The following SYT6 variants were observed in gnomAD, a reference collection of about 807,000 sequenced individuals.
SYT6 encodes the protein synaptotagmin 6.
A neutral mutation model predicts 38.4 loss-of-function variants in SYT6; 24 were observed. That is an observed-to-expected ratio of 0.62 (90% confidence interval 0.45 to 0.88). The LOEUF (loss-of-function observed/expected upper bound fraction) is 0.88. SYT6 is among the 40% of genes least tolerant of loss of function. The pLI, the probability that SYT6 is intolerant of heterozygous loss-of-function variation, is 0.00. For missense variants in SYT6, 611 were observed against 621.0 expected (o/e 0.98, Z 0.17); for synonymous variants, 265 against 241.9 (o/e 1.10, Z -0.89).
intron 1 of SYT6, among the ~76,000 whole-genome samples, chr1:114,140,608 T>G (rs1678812616): frequency 6.6e-6 from 1 of 152,206 alleles, no homozygotes. Context: ...CCCAGAACTC[T>G]GTGCATAGTA....
At chr1:114,126,417 C>G (rs1333956104) in intron 3 of SYT6, among the ~76,000 whole-genome samples, 1 of 152,208 alleles carries the variant, frequency 6.6e-6, no homozygotes, top group East Asian at 1.9e-4. Context: ...TGCTGCTGAT[C>G]TAGGAAACTG....
intron 3 of SYT6, among the ~76,000 whole-genome samples, chr1:114,110,291 G>A (rs1326702036): frequency 1.3e-5 from 2 of 152,190 alleles, no homozygotes; most frequent in Non-Finnish European, 2.9e-5. Context: ...CAAAGTCCCA[G>A]CCCTCCAGGA....
chr1:114,103,533 C>T, intron 4 of SYT6, 68 bp downstream of exon 4: 2 of 1,587,080 alleles, frequency 1.3e-6, no homozygotes, highest in South Asian at 2.3e-5. Context: ...CTTTCTCCTT[C>T]TCCCCGAACA....
chr1:114,108,494 G>A (rs1676465025), intron 3 of SYT6, among the ~76,000 whole-genome samples: 1 of 152,074 alleles, frequency 6.6e-6, no homozygotes, highest in Non-Finnish European at 1.5e-5. Context: ...CCCATCTCTG[G>A]TCCTTGGGCT....
Position 114,120,367 on chromosome 1 carries a change from T to C in SYT6, c.1072-16646A>G, listed in dbSNP as rs148010905. On this transcript the variant is annotated intron_variant, in intron 3 of 7. Coordinates refer to ENST00000610222, the MANE Select transcript of SYT6 (RefSeq NM_001253772.2). The stretch of plus-strand genomic sequence containing the variant: ...CTGAATTCTGTGACTATCTTTCCCT[T>C]ATTGTGTTATCTGCCAGAATGCTTC... 3.3e-3 allele frequency among the ~76,000 whole-genome samples: 509 copies of C among 152,308 alleles called. 3 individuals are homozygous for C. Among genetic ancestry groups the C allele is most frequent in the African/African-American group, 0.012 (488 of 41,566 alleles).
chr1:114,107,675 T>TAAAC (rs57246255), intron 3 of SYT6, among the ~76,000 whole-genome samples: 40,819 of 151,912 alleles, frequency 0.27, 6,041 homozygotes, highest in East Asian at 0.4. Context: ...AGATGAGAGC[T>TAAAC]AAACAGAGAG....
chr1:114,133,054 C>T (rs1678249021), intron 3 of SYT6, among the ~76,000 whole-genome samples: 1 of 152,148 alleles, frequency 6.6e-6, no homozygotes, highest in South Asian at 2.1e-4. Context: ...TCCCTGCATA[C>T]CCTCAGTCCA....
intron 3 of SYT6, among the ~76,000 whole-genome samples, chr1:114,111,252 C>G (rs1326120330): frequency 6.6e-6 from 1 of 152,194 alleles, no homozygotes; most frequent in Non-Finnish European, 1.5e-5. Flanking sequence ...CTGTCCTGCC[C>G]TAAGTGCTTA....
intron 3 of SYT6, among the ~76,000 whole-genome samples, chr1:114,119,909 A>C (rs547700505): frequency 6.6e-6 from 1 of 152,158 alleles, no homozygotes; most frequent in Non-Finnish European, 1.5e-5. Flanking sequence ...GTCTCTACTA[A>C]AAATACAAAA....
chr1:114,102,537 C>G (rs1287012205), intron 4 of SYT6, among the ~76,000 whole-genome samples: 1 of 152,200 alleles, frequency 6.6e-6, no homozygotes, highest in South Asian at 2.1e-4. Context: ...TCAAGCTACT[C>G]CTCTGTTATT....
intron 1 of SYT6, among the ~76,000 whole-genome samples, chr1:114,150,234 A>G (rs1679376476): frequency 6.6e-6 from 1 of 152,222 alleles, no homozygotes; most frequent in Admixed American, 6.5e-5. Flanking sequence ...GATGACACAT[A>G]CTGAAACCAC....
intron 4 of SYT6, among the ~76,000 whole-genome samples, chr1:114,103,008 T>C (rs939817125): frequency 1.3e-5 from 2 of 152,242 alleles, no homozygotes; most frequent in Non-Finnish European, 2.9e-5. Flanking sequence ...AGAATAAGAC[T>C]ATATTTCTAT....
At chr1:114,148,366 A>G (rs1679261942) in intron 1 of SYT6, among the ~76,000 whole-genome samples, 1 of 152,242 alleles carries the variant, frequency 6.6e-6, no homozygotes, top group Admixed American at 6.5e-5. Flanking sequence ...GAAGAGATAA[A>G]CTGGGAAGAG....
intron 3 of SYT6, among the ~76,000 whole-genome samples, chr1:114,119,792 C>A (rs769085386): frequency 6.6e-6 from 1 of 152,190 alleles, no homozygotes; most frequent in Non-Finnish European, 1.5e-5. Flanking sequence ...CTCTCTCAGG[C>A]CGGGCACGGT....
At chr1:114,153,042 G>C (rs1018174099) in intron 1 of SYT6, 9 of 131,626 alleles carry the variant, frequency 6.8e-5, no homozygotes, top group African/African-American at 2.6e-4. Context: ...CAGCGGAGAC[G>C]CGGAAAACCA....
intron 3 of SYT6, among the ~76,000 whole-genome samples, chr1:114,117,153 T>C (rs1677044314): frequency 6.6e-6 from 1 of 152,224 alleles, no homozygotes; most frequent in African/African-American, 2.4e-5. Flanking sequence ...GCTGTGTGAC[T>C]GTAAAACTCA....
chr1:114,093,648 T>A, intron 7 of SYT6, 87 bp downstream of exon 7: 1 of 1,269,502 alleles, frequency 7.9e-7, no homozygotes, highest in South Asian at 1.4e-5. Context: ...ATCCTGCTGC[T>A]ATCTCAGCAT....
chr1:114,135,103 C>T (rs1204073292), intron 3 of SYT6, among the ~76,000 whole-genome samples: 2 of 152,082 alleles, frequency 1.3e-5, no homozygotes, highest in African/African-American at 4.8e-5. Context: ...TGAGAAGGAA[C>T]ATCCAGCTCA....
At chr1:114,111,491 ATC>A (rs1676674486) in intron 3 of SYT6, among the ~76,000 whole-genome samples, 1 of 152,234 alleles carries the variant, frequency 6.6e-6, no homozygotes, top group African/African-American at 2.4e-5. Flanking sequence ...ATGCTCCAAG[ATC>A]TTTCCCACCT....
Sources: gnomAD v4.1 joint callset for allele counts (sites outside exome capture counted in the v4.1 genomes callset) on GRCh38, gnomAD v4.1.1 for gene constraint, MANE v1.5 for transcripts, NCBI Gene and HGNC (gene_info 2026-07-23, HGNC 2026-07-21) for gene names.